Variants in ZNF654 observed in about 807,000 individuals in gnomAD.
The protein encoded by ZNF654 is melanoma-associated antigen.
Under a neutral mutation model 95.3 loss-of-function variants are expected in ZNF654, and 19 were observed. The ratio of observed to expected loss-of-function variants is 0.20; its 90% confidence interval spans 0.14 to 0.29. ZNF654 has a LOEUF of 0.29. Among genes scored for constraint, ZNF654 ranks in the 10% least tolerant of loss-of-function variants. The probability of loss-of-function intolerance (pLI) is 1.00; values close to 1 mark genes in which losing one functional copy is unlikely to be tolerated. For synonymous variants in ZNF654, 413 were observed against 457.9 expected (o/e 0.90, Z 1.25); for missense variants, 1,046 against 1,341.0 (o/e 0.78, Z 3.44).
intron 3 of ZNF654, among the ~76,000 whole-genome samples, chr3:88,117,333 G>A (rs1024865759): frequency 6.6e-6 from 1 of 151,990 alleles, no homozygotes; most frequent in African/African-American, 2.4e-5. Flanking sequence ...TTCCCACAAA[G>A]GAAAAAATCA....
At chr3:88,065,158 C>A (rs1467719392) in intron 1 of ZNF654, among the ~76,000 whole-genome samples, 1 of 152,144 alleles carries the variant, frequency 6.6e-6, no homozygotes, top group Non-Finnish European at 1.5e-5. Flanking sequence ...TGGGATATTT[C>A]AAGTCTTCAT....
At chr3:88,117,246 T>C (rs2107784419) in intron 3 of ZNF654, among the ~76,000 whole-genome samples, 1 of 152,288 alleles carries the variant, frequency 6.6e-6, no homozygotes, top group East Asian at 1.9e-4. Flanking sequence ...CTTACAGACA[T>C]AACTTGATTC....
intron 3 of ZNF654, among the ~76,000 whole-genome samples, chr3:88,121,017 G>A (rs113339018): frequency 0.041 from 6,240 of 151,906 alleles, 371 homozygotes; most frequent in African/African-American, 0.13. Context: ...TGGGTTGATA[G>A]GTGCAGAAAA....
At chr3:88,083,160 C>G (rs1453237365) in intron 1 of ZNF654, among the ~76,000 whole-genome samples, 3 of 152,082 alleles carry the variant, frequency 2.0e-5, no homozygotes, top group Non-Finnish European at 4.4e-5. Flanking sequence ...TCCTCAAAGC[C>G]CTGTCTTCAA....
chr3:88,113,572 C>T (rs184094379), intron 3 of ZNF654, among the ~76,000 whole-genome samples: 2 of 152,136 alleles, frequency 1.3e-5, no homozygotes, highest in East Asian at 1.9e-4. Context: ...AATAGCTTTC[C>T]GAAGCTAGGA....
chr3:88,112,943 TC>T (rs1469559997), intron 2 of ZNF654, among the ~76,000 whole-genome samples, 171 bp from the exon 3 acceptor site: 1 of 152,140 alleles, frequency 6.6e-6, no homozygotes, highest in African/African-American at 2.4e-5. Flanking sequence ...TGAAGGCACT[TC>T]TTTTAAAATC....
intron 1 of ZNF654, among the ~76,000 whole-genome samples, chr3:88,084,106 C>A (rs1403827166): frequency 1.3e-5 from 2 of 152,072 alleles, no homozygotes; most frequent in Non-Finnish European, 2.9e-5. Context: ...TGTAGCAAAC[C>A]TAATGGAGGT....
chr3:88,073,695 G>GT (rs1464520124), intron 1 of ZNF654, among the ~76,000 whole-genome samples: 1 of 152,146 alleles, frequency 6.6e-6, no homozygotes, highest in Non-Finnish European at 1.5e-5. Flanking sequence ...AATAATTAAG[G>GT]TATCTAAATG....
At chr3:88,075,629 G>A (rs1277643657) in intron 1 of ZNF654, among the ~76,000 whole-genome samples, 1 of 152,180 alleles carries the variant, frequency 6.6e-6, no homozygotes, top group Non-Finnish European at 1.5e-5. Context: ...TTTATTGGCA[G>A]AATAAACATT....
chr3:88,087,940 G>C (rs1708423106), intron 2 of ZNF654, among the ~76,000 whole-genome samples: 1 of 152,084 alleles, frequency 6.6e-6, no homozygotes, highest in Non-Finnish European at 1.5e-5. Context: ...GATACTCAAA[G>C]GAAACGCTCA....
At chr3:88,091,591 T>G (rs1468721038) in intron 2 of ZNF654, among the ~76,000 whole-genome samples, 1 of 152,214 alleles carries the variant, frequency 6.6e-6, no homozygotes, top group Non-Finnish European at 1.5e-5. Context: ...GCTGATATGG[T>G]TTCACTGTGT....
rs1559727302 is a variant in ZNF654, at chr3:88,126,275, TC to T, written c.550+7del. 6.8e-7 allele frequency: 1 copy of T among 1,476,360 alleles called. No individual in the cohort carries two copies. Among genetic ancestry groups the T allele is most frequent in the Admixed American group, 2.4e-5 (1 of 42,520 alleles). The allele number at this position is 1,476,360 out of a possible 1,614,324, so 91.5% of individuals were successfully genotyped here. A position where few individuals can be genotyped will look rare whatever the true frequency, so the allele number is the denominator to read the frequency against. On this transcript the variant is annotated splice_region_variant and intron_variant, in intron 4 of 8. Coordinates refer to ENST00000636215, the MANE Select transcript of ZNF654 (RefSeq NM_001350134.2). ...GCCAGCATCTCAGGAGATAGGTACT[TC>T]AGGAGATTCAAAATCAAACCAACAT...
rs1465219478 is a variant in ZNF654, at chr3:88,059,406, G to A, written c.87G>A (p.Gly29=). The A allele has an allele frequency of 1.3e-6, 2 of 1,532,628 alleles. No homozygotes were observed. The highest frequency in any genetic ancestry group is 1.2e-5 in the South Asian group (1 of 83,822). The allele number at this position is 1,532,628 out of a possible 1,614,324, so 94.9% of individuals were successfully genotyped here. A position where few individuals can be genotyped will look rare whatever the true frequency, so the allele number is the denominator to read the frequency against. ...TGGAGTCCCCGCTGGGCCCTGTGGG[G>A]CTTAGAGCTGCGGGCGACGGCAGAG... ...AIVESPLGPV[G]LRAAGDGRGG... Residue 29 remains glycine, a synonymous_variant, in exon 1 of 9, where the codon GGG becomes GGA. Transcript: ENST00000636215.
chr3:88,140,442 A>G lies in ZNF654; in HGVS notation c.2773A>G (p.Lys925Glu). Residue 925 changes from lysine (K) to glutamate (E), a missense_variant, in exon 8 of 9, where the codon AAG (lysine) becomes GAG (glutamate). Transcript: ENST00000636215. ...SKSRKESTEP[K>E]TCIESMEKKT... ...ATCAAGGAAAGAGTCTACAGAACCAAAGACATGTATAGAAAGTATGGAAAA... is the reference window on the plus strand; with the variant it reads ...ATCAAGGAAAGAGTCTACAGAACCAGAGACATGTATAGAAAGTATGGAAAA... 6.2e-7 allele frequency: 1 copy of G among 1,613,676 alleles called. No individual in the cohort carries two copies. The highest frequency in any genetic ancestry group is 8.5e-7 in the Non-Finnish European group (1 of 1,179,748).
At chr3:88,077,377 A>G (rs1576217243) in intron 1 of ZNF654, among the ~76,000 whole-genome samples, 1 of 142,368 alleles carries the variant, frequency 7.0e-6, no homozygotes, top group Admixed American at 7.4e-5. Flanking sequence ...TCTGTTGCCC[A>G]GGCTGGAGTA....
intron 1 of ZNF654, among the ~76,000 whole-genome samples, chr3:88,066,410 C>CA (rs1299849721): frequency 3.3e-5 from 5 of 151,618 alleles, no homozygotes; most frequent in Non-Finnish European, 7.4e-5. Context: ...CCTATCTCTA[C>CA]AAAAAAACAA....
rs764466667 is a variant in ZNF654 at position 88,140,773 on chromosome 3, A to T, written c.3104A>T (p.Glu1035Val). ...QAPSKPNLTS[E>V]HTSYGLILTK... ...CCTTCCAAACCAAATCTGACAAGTG[A>T]ACATACTTCATATGGCTTAATTTTA... Residue 1035 changes from glutamate (E) to valine (V), a missense_variant, in exon 8 of 9, where the codon GAA becomes GTA. By Grantham distance (121) the Glu-to-Val change is moderately radical (BLOSUM62 -2). This residue lies in a region of ZNF654 where 495 missense variants were observed against 537.0 expected (regional missense o/e 0.92). Transcript: ENST00000636215. The T allele has an allele frequency of 1.9e-6, 3 of 1,613,778 alleles. No homozygotes were observed. The East Asian group carries it at 6.7e-5, about 36-fold the overall frequency.
At chr3:88,113,010 A>G (rs566658394) in intron 2 of ZNF654, 105 bp from the exon 3 acceptor site, 1 of 734,870 alleles carries the variant, frequency 1.4e-6, no homozygotes, top group Non-Finnish European at 2.1e-6. Flanking sequence ...AAACCAAAAT[A>G]TTTTAAGTCA....
intron 4 of ZNF654, among the ~76,000 whole-genome samples, chr3:88,128,210 A>AT (rs1248360533): frequency 2.6e-5 from 4 of 152,122 alleles, no homozygotes; most frequent in African/African-American, 9.7e-5. Context: ...ATATTTTAAA[A>AT]TTGTGTAAAG....
Sources: allele counts gnomAD v4.1 joint callset (sites outside exome capture counted in the v4.1 genomes callset), GRCh38; gene constraint gnomAD v4.1.1; regional missense constraint gnomAD v4.1.1; transcripts MANE v1.5; gene names NCBI Gene and HGNC (gene_info 2026-07-23, HGNC 2026-07-21).